The following SF3B1 variants were observed in gnomAD, a reference collection of about 807,000 sequenced individuals.
The protein encoded by SF3B1 is pre-mRNA processing 10.
A neutral mutation model predicts 153.8 loss-of-function variants in SF3B1; 12 were observed. The ratio of observed to expected loss-of-function variants is 0.08; its 90% CI spans 0.05 to 0.13. The LOEUF is 0.13. Among genes scored for constraint, SF3B1 ranks in the 10% least tolerant of loss-of-function variants. The pLI is 1.00. For missense variants in SF3B1, 513 were observed against 1,606.1 expected (o/e 0.32, Z 11.63); for synonymous variants, 498 against 525.2 (o/e 0.95, Z 0.71).
chr2:197,405,246 A>G (rs760236382), intron 10 of SF3B1, 29 bp downstream of exon 10: 31 of 1,596,674 alleles, frequency 1.9e-5, no homozygotes, highest in Non-Finnish European at 2.7e-5. Flanking sequence ...GAACACAATT[A>G]ATAGTTTATT....
chr2:197,426,470 T>C (rs1466143573), intron 1 of SF3B1, among the ~76,000 whole-genome samples: 2 of 152,076 alleles, frequency 1.3e-5, no homozygotes, highest in Non-Finnish European at 2.9e-5. Context: ...TTCAGGCTTT[T>C]TTTTTAAACC....
Position 197,408,388 on chromosome 2 carries a change from G to C in SF3B1, c.1098C>G (p.Asn366Lys). Reference protein sequence around the residue: ...GKTPIGTPAMNMATPTPGHIM... With the variant: ...GKTPIGTPAMKMATPTPGHIM... Reference sequence around the variant, plus strand: ...TTCTACCTGGAGTAGGGGTAGCCATGTTCATGGCTGGTGTGCCAATTGGTG... The same window carrying C: ...TTCTACCTGGAGTAGGGGTAGCCATCTTCATGGCTGGTGTGCCAATTGGTG... Residue 366 changes from asparagine to lysine, a missense_variant, in exon 8 of 25, where the codon AAC (asparagine) becomes AAG (lysine). Transcript: ENST00000335508. 6.2e-7 allele frequency: 1 copy of C among 1,614,180 alleles called. No individual in the cohort carries two copies. Among genetic ancestry groups the C allele is most frequent in the Non-Finnish European group, 8.5e-7 (1 of 1,179,980 alleles).
rs1165498671 is a variant in SF3B1, at chr2:197,391,001, A to G, written c.*1302T>C. ...GTTATATACTAATGCTGCTTGCAGA[A>G]TTTTTTTTCCCTTTAGAGTTCACAG... On this transcript the variant is annotated 3_prime_UTR_variant, in exon 25 of 25. Transcript: ENST00000335508. 6.6e-6 allele frequency: 1 copy of G among 152,030 alleles called. No homozygotes were observed. Among genetic ancestry groups the G allele is most frequent in the Non-Finnish European group, 1.5e-5 (1 of 67,994 alleles). The allele number at this position is 152,030 out of a possible 1,614,324, so 9.4% of individuals were successfully genotyped here.
intron 20 of SF3B1, 107 bp from the exon 21 acceptor site, chr2:197,398,688 A>C (rs2084903452): frequency 9.6e-7 from 1 of 1,046,152 alleles, no homozygotes. Context: ...ATAAACTTAC[A>C]GCTGCCTAGG....
intron 1 of SF3B1, among the ~76,000 whole-genome samples, chr2:197,432,838 C>A (rs2085461923): frequency 6.6e-6 from 1 of 151,758 alleles, no homozygotes; most frequent in Non-Finnish European, 1.5e-5. Context: ...TGCACTTCTG[C>A]CTGGGCAACA....
intron 2 of SF3B1, among the ~76,000 whole-genome samples, chr2:197,421,624 C>A (rs1422753453): frequency 6.6e-6 from 1 of 152,042 alleles, no homozygotes; most frequent in East Asian, 1.9e-4. Flanking sequence ...AAAAGTACAA[C>A]TGTTTGGGAG....
At chr2:197,425,961 CT>C (rs2085330091) in intron 1 of SF3B1, among the ~76,000 whole-genome samples, 3 of 151,398 alleles carry the variant, frequency 2.0e-5, no homozygotes, top group Non-Finnish European at 4.4e-5. Flanking sequence ...ATTGCTGCCA[CT>C]GCACTCCAGC....
rs370066300 is a variant in SF3B1 at position 197,396,310 on chromosome 2, A to G, written c.3285T>C (p.Ala1095=). Residue 1095 remains alanine, a synonymous_variant, in exon 23 of 25, where the codon GCT becomes GCC. Coordinates refer to ENST00000335508, the MANE Select transcript of SF3B1 (RefSeq NM_012433.4). The part of the protein sequence containing the change: ...AKAIGPHDVL[A]TLLNNLKVQE... ...GAACTTTGAGGTTGTTCAGAAGTGT[A>G]GCCAATACATCATGAGGGCTGAAAA... is the stretch of plus-strand genomic sequence containing the variant. 9.9e-6 allele frequency: 16 copies of G among 1,613,582 alleles called. No homozygotes were observed. Among genetic ancestry groups the G allele is most frequent in the African/African-American group, 9.3e-5 (7 of 74,930 alleles).
chr2:197,410,110 C>T (rs531775980), intron 6 of SF3B1, 103 bp from the exon 7 acceptor site: 1 of 706,974 alleles, frequency 1.4e-6, no homozygotes, highest in Admixed American at 2.9e-5. Context: ...TAGTTCTATG[C>T]ACTATAATTA....
chr2:197,434,317 A>G (rs2085487810), intron 1 of SF3B1, among the ~76,000 whole-genome samples: 1 of 152,210 alleles, frequency 6.6e-6, no homozygotes, highest in Admixed American at 6.5e-5. Context: ...AACTAGCTTG[A>G]AAGCTTCGGC....
In SF3B1 at chr2:197,409,758, C is replaced by T; in HGVS notation, c.904+12G>A. The stretch of plus-strand genomic sequence containing the variant: ...ACATTTCACCCACACACCCATACTC[C>T]ACTAGAAGTACCTCTCTCTGTTTTG... On this transcript the variant is annotated intron_variant, in intron 7 of 24. Transcript: ENST00000335508. The T allele has an allele frequency of 6.3e-7, 1 of 1,591,418 alleles. No homozygotes were observed. The highest frequency in any genetic ancestry group is 1.1e-5 in the South Asian group (1 of 90,562).
rs1176620748 is a variant in SF3B1, at chr2:197,408,559, T to C, written c.927A>G (p.Gly309=). The change falls in exon 8 of 25, where the codon GGA becomes GGG. Residue 309 remains glycine (G), a synonymous_variant. Transcript: ENST00000335508. ...GATCTGTTCGAGGAGTCTCAGCCCA[T>C]CCACTTCCATGCCCAGGAGTATCTT... ...TERDTPGHGS[G]WAETPRTDRG... The C allele has an allele frequency of 6.2e-7, 1 of 1,611,960 alleles. No individual in the cohort carries two copies. The highest frequency in any genetic ancestry group is 1.3e-5 in the African/African-American group (1 of 74,980).
At chr2:197,408,741 G>C in intron 7 of SF3B1, 160 bp from the exon 8 acceptor site, 2 of 605,354 alleles carry the variant, frequency 3.3e-6, no homozygotes, top group Non-Finnish European at 5.8e-6. Flanking sequence ...TGATCAACAT[G>C]ATGAAACTCT....
At chr2:197,425,031 C>T (rs529912812) in intron 1 of SF3B1, among the ~76,000 whole-genome samples, 12 of 152,320 alleles carry the variant, frequency 7.9e-5, no homozygotes, top group African/African-American at 1.9e-4. Flanking sequence ...TAATGGCGCA[C>T]GCCTCTAGTC....
At position 197,402,258 on chromosome 2, in the gene SF3B1, G is replaced by A; in HGVS notation, c.2078-128C>T. 1 of 1,103,486 alleles carries A rather than the reference G, an allele frequency of 9.1e-7. No homozygotes were observed. The highest frequency in any genetic ancestry group is 1.3e-6 in the Non-Finnish European group (1 of 786,104). The allele number at this position is 1,103,486 out of a possible 1,614,324, so 68.4% of individuals were successfully genotyped here. ...AATATGTTCACATTAAACAAAATTAGGTAAAAGCAAAACATGAACCATAGC... is the reference window on the plus strand; with the variant it reads ...AATATGTTCACATTAAACAAAATTAAGTAAAAGCAAAACATGAACCATAGC... On this transcript the variant is annotated intron_variant, in intron 14 of 24. Transcript: ENST00000335508. The surrounding 1 kb of genome is among the most constrained non-coding windows in gnomAD (Gnocchi z 4.6).
chr2:197,410,997 GCA>G (rs1467458042), intron 6 of SF3B1, among the ~76,000 whole-genome samples: 1 of 152,126 alleles, frequency 6.6e-6, no homozygotes, highest in African/African-American at 2.4e-5. Context: ...GAGTGCAGTG[GCA>G]CAATCACGGC....
Position 197,401,688 on chromosome 2 carries a change from C to T in SF3B1, c.2370+54G>A, listed in dbSNP as rs2084938914. 1.3e-6 allele frequency: 2 copies of T among 1,548,004 alleles called. No homozygotes were observed. Among genetic ancestry groups the T allele is most frequent in the Non-Finnish European group, 1.8e-6 (2 of 1,139,094 alleles). On this transcript the variant is annotated intron_variant, in intron 16 of 24. Transcript: ENST00000335508. The surrounding 1 kb of genome is among the most constrained non-coding windows in gnomAD (Gnocchi z 4.2). ...TGATTTTTAAAAACACTTTAAAATT[C>T]TGTTAGAACCATGAAACATATCCAG...
At chr2:197,395,757 T>A (rs1274046773) in intron 23 of SF3B1, among the ~76,000 whole-genome samples, 1 of 152,052 alleles carries the variant, frequency 6.6e-6, no homozygotes, top group Non-Finnish European at 1.5e-5. Context: ...CTAACTATAT[T>A]TGACCAATTT....
chr2:197,402,695 G>A lies in SF3B1; in HGVS notation c.1938C>T (p.Pro646=), dbSNP rs764390753. The A allele has an allele frequency of 3.0e-5, 49 of 1,613,912 alleles. No homozygotes were observed. The highest frequency in any genetic ancestry group is 3.7e-5 in the Non-Finnish European group (44 of 1,179,992). ...ASALGIPSLL[P]FLKAVCKSKK... is the part of the protein sequence containing the mutation. ...TGCTTTTGCACACAGCTTTTAAGAA[G>A]GGCAATAAAGAAGGAATGCCCAGGG... is the stretch of plus-strand genomic sequence containing the variant. Residue 646 remains proline (P), a synonymous_variant, in exon 14 of 25, where the codon CCC becomes CCT. Transcript: ENST00000335508. The surrounding 1 kb of genome is among the most constrained non-coding windows in gnomAD (Gnocchi z 4.6).
Sources: allele counts gnomAD v4.1 joint callset (sites outside exome capture counted in the v4.1 genomes callset), GRCh38; gene constraint gnomAD v4.1.1; non-coding constraint Gnocchi (gnomAD v3.1); transcripts MANE v1.5; gene names NCBI Gene and HGNC (gene_info 2026-07-23, HGNC 2026-07-21).